Variants in LYRM4 observed in about 807,000 individuals in gnomAD.
LYRM4 encodes the protein LYR motif-containing protein 4.
Under a neutral mutation model 11.7 loss-of-function variants are expected in LYRM4, and 9 were observed. The observed-to-expected ratio is 0.77, with a 90% CI of 0.46 to 1.34. The LOEUF is 1.34. LYRM4 is among the 40% of genes most tolerant of loss of function. The pLI is 0.00. For missense variants in LYRM4, 133 were observed against 112.5 expected (o/e 1.18, Z -0.82); for synonymous variants, 42 against 40.4 (o/e 1.04, Z -0.15).
chr6:5,260,834 A>C lies in LYRM4; in HGVS notation c.-101T>G. Reference sequence around the variant, plus strand: ...TGTGCGGAAACCACGAACGAAATAAAATGCTGCGGCTCGGCTTTGCCAGCG... The same window carrying C: ...TGTGCGGAAACCACGAACGAAATAACATGCTGCGGCTCGGCTTTGCCAGCG... On this transcript the variant is annotated 5_prime_UTR_variant, in exon 1 of 3. In the 5' UTR this introduces an upstream ATG that the reference lacks. Coordinates refer to ENST00000330636, the MANE Select transcript of LYRM4 (RefSeq NM_020408.6). The C allele has an allele frequency of 6.6e-7, 1 of 1,511,302 alleles. No homozygotes were observed. 93.6% of individuals were successfully genotyped at this position (1,511,302 alleles called of 1,614,324 possible).
chr6:5,093,821 A>G, the LYRM4 span, among the ~76,000 whole-genome samples: 3,921 of 152,326 alleles, frequency 0.026, 119 homozygotes, highest in African/African-American at 0.071. Context: ...GTAATAGTCC[A>G]TCGACCACCA....
intron 1 of LYRM4, among the ~76,000 whole-genome samples, chr6:5,253,560 G>A (rs531650591): frequency 9.2e-5 from 14 of 152,140 alleles, no homozygotes; most frequent in East Asian, 7.7e-4. Flanking sequence ...GACAACTTGC[G>A]ACAACTCATT....
intron 2 of LYRM4, among the ~76,000 whole-genome samples, chr6:5,213,579 G>A (rs1048863793): frequency 1.3e-5 from 2 of 152,178 alleles, no homozygotes; most frequent in Non-Finnish European, 2.9e-5. Flanking sequence ...AAGTGGGAGA[G>A]AGACGTGATA....
chr6:5,066,339 A>G, the LYRM4 span: 1 of 723,724 alleles, frequency 1.4e-6, no homozygotes, highest in African/African-American at 1.7e-5. Flanking sequence ...TATATCTAGA[A>G]GTACAGGAAT....
chr6:5,135,474 A>T (rs1168558418), intron 2 of LYRM4, among the ~76,000 whole-genome samples: 4 of 72,608 alleles, frequency 5.5e-5, no homozygotes, highest in South Asian at 1.2e-3. Flanking sequence ...GAGGGTGCGG[A>T]TCGCTCCTGG....
At chr6:5,061,416 T>C in the LYRM4 span, among the ~76,000 whole-genome samples, 1 of 152,216 alleles carries the variant, frequency 6.6e-6, no homozygotes, top group African/African-American at 2.4e-5. Context: ...TCTTATTGCA[T>C]TTTGCCCTTA....
chr6:5,182,678 T>C (rs1443728728), intron 2 of LYRM4, among the ~76,000 whole-genome samples: 4 of 152,234 alleles, frequency 2.6e-5, no homozygotes, highest in Non-Finnish European at 4.4e-5. Context: ...AGCCTGAATA[T>C]GTGTATTTTA....
chr6:5,228,868 G>C (rs1763055686), intron 1 of LYRM4, among the ~76,000 whole-genome samples: 1 of 151,276 alleles, frequency 6.6e-6, no homozygotes. Flanking sequence ...GCCGGGCGTG[G>C]TGGCGGGCAC....
At chr6:5,146,788 G>C (rs1757753273) in intron 2 of LYRM4, among the ~76,000 whole-genome samples, 1 of 152,204 alleles carries the variant, frequency 6.6e-6, no homozygotes, top group Non-Finnish European at 1.5e-5. Flanking sequence ...CAAGACTCAG[G>C]GGCTTTTCTA....
At chr6:5,202,672 C>T (rs1471350334) in intron 2 of LYRM4, among the ~76,000 whole-genome samples, 1 of 152,184 alleles carries the variant, frequency 6.6e-6, no homozygotes, top group Non-Finnish European at 1.5e-5. Context: ...GAATAGCCTG[C>T]CATAAGTTCG....
At chr6:5,147,599 C>T (rs1237069775) in intron 2 of LYRM4, among the ~76,000 whole-genome samples, 1 of 152,186 alleles carries the variant, frequency 6.6e-6, no homozygotes, top group Non-Finnish European at 1.5e-5. Flanking sequence ...TACATATGCT[C>T]ATGTGACTAC....
chr6:5,076,056 C>T, the LYRM4 span, among the ~76,000 whole-genome samples: 3 of 151,866 alleles, frequency 2.0e-5, no homozygotes, highest in African/African-American at 2.4e-5. Flanking sequence ...GCAATCCTCT[C>T]ACCTCAGCCT....
intron 2 of LYRM4, among the ~76,000 whole-genome samples, chr6:5,162,226 T>C (rs887868570): frequency 1.3e-5 from 2 of 152,222 alleles, no homozygotes; most frequent in African/African-American, 4.8e-5. Flanking sequence ...TAAAGCTCGC[T>C]AGATGATTTC....
At chr6:5,136,517 C>T (rs759150977) in intron 2 of LYRM4, 1 of 942,670 alleles carries the variant, frequency 1.1e-6, no homozygotes, top group Non-Finnish European at 1.3e-6. Context: ...AGTTTCCTTA[C>T]CTACAGAATG....
the LYRM4 span, among the ~76,000 whole-genome samples, chr6:5,056,700 A>AT: frequency 6.6e-6 from 1 of 152,214 alleles, no homozygotes; most frequent in South Asian, 2.1e-4. Flanking sequence ...CAAAATTATC[A>AT]TTTTTCCTTC....
intron 2 of LYRM4, among the ~76,000 whole-genome samples, chr6:5,119,809 AAAAAAAAAAAAC>A (rs1763332136): frequency 6.6e-6 from 1 of 151,248 alleles, no homozygotes; most frequent in African/African-American, 2.4e-5. Flanking sequence ...AAAAAAAAAA[AAAAAAAAAAAAC>A]AACCACAAAA....
intron 1 of LYRM4, among the ~76,000 whole-genome samples, chr6:5,239,654 A>C (rs1353749067): frequency 6.6e-6 from 1 of 152,118 alleles, no homozygotes; most frequent in Non-Finnish European, 1.5e-5. Flanking sequence ...AAGGAAAGTG[A>C]CAAGAAGGAA....
intron 1 of LYRM4, among the ~76,000 whole-genome samples, chr6:5,259,371 C>G (rs1442545097): frequency 6.6e-6 from 1 of 152,328 alleles, no homozygotes; most frequent in South Asian, 2.1e-4. Context: ...TATTATTACA[C>G]TCTTTATTCT....
intron 2 of LYRM4, among the ~76,000 whole-genome samples, chr6:5,150,197 C>T (rs1363844331): frequency 6.6e-6 from 1 of 152,202 alleles, no homozygotes; most frequent in East Asian, 1.9e-4. Context: ...CAGTGGTGAA[C>T]CAGGTGTACA....
Sources: gnomAD v4.1 joint callset for allele counts (sites outside exome capture counted in the v4.1 genomes callset) on GRCh38, gnomAD v4.1.1 for gene constraint, MANE v1.5 for transcripts, NCBI Gene and HGNC (gene_info 2026-07-23, HGNC 2026-07-21) for gene names.